The following DLG2 variants were observed in gnomAD, a reference collection of about 807,000 sequenced individuals.
The protein encoded by DLG2 is disks large homolog 2.
In DLG2, 45 loss-of-function variants were observed where a neutral mutation model predicts 132.5. That is an observed-to-expected ratio of 0.34 (90% CI 0.27 to 0.44). The LOEUF (loss-of-function observed/expected upper bound fraction) is 0.44. DLG2 is among the 20% of genes least tolerant of loss of function. The probability of loss-of-function intolerance (pLI) is 1.00; values close to 1 mark genes in which losing one functional copy is unlikely to be tolerated. For missense variants in DLG2, 1,045 were observed against 1,196.9 expected, an observed-to-expected ratio of 0.87 and a Z score of 1.87; for synonymous variants, 424 against 419.6, an observed-to-expected ratio of 1.01 and a Z score of -0.13.
chr11:84,278,009 T>C (rs867842325), intron 7 of DLG2, among the ~76,000 whole-genome samples: 22 of 151,270 alleles, frequency 1.5e-4, no homozygotes, highest in Admixed American at 1.3e-4. Flanking sequence ...TCCTCTGGCC[T>C]CAGCCTCCTG....
chr11:84,942,051 A>G (rs1406881220), intron 6 of DLG2, among the ~76,000 whole-genome samples: 1 of 152,146 alleles, frequency 6.6e-6, no homozygotes, highest in Non-Finnish European at 1.5e-5. Flanking sequence ...AGATGCTCAT[A>G]GTAGTCTCTA....
At chr11:85,387,143 C>T (rs1433694537) in intron 3 of DLG2, among the ~76,000 whole-genome samples, 1 of 152,182 alleles carries the variant, frequency 6.6e-6, no homozygotes, top group Non-Finnish European at 1.5e-5. Context: ...CTGCCTCAGA[C>T]TCCCAAAGTG....
At chr11:84,916,507 G>A (rs576788238) in intron 6 of DLG2, among the ~76,000 whole-genome samples, 2 of 152,040 alleles carry the variant, frequency 1.3e-5, no homozygotes, top group East Asian at 1.9e-4. Flanking sequence ...CAAGAAGATA[G>A]ATATCAAAAA....
chr11:84,358,720 C>A (rs574184228), intron 7 of DLG2, among the ~76,000 whole-genome samples: 1 of 151,968 alleles, frequency 6.6e-6, no homozygotes, highest in East Asian at 1.9e-4. Flanking sequence ...AGGACATACT[C>A]AGTTTTATAA....
At chr11:85,049,001 A>G (rs1593229718) in intron 6 of DLG2, among the ~76,000 whole-genome samples, 1 of 151,908 alleles carries the variant, frequency 6.6e-6, no homozygotes, top group Non-Finnish European at 1.5e-5. Context: ...ATAACCCTAT[A>G]CCTCCATGAT....
At chr11:84,845,379 CA>C (rs1419078224) in intron 6 of DLG2, among the ~76,000 whole-genome samples, 1 of 151,990 alleles carries the variant, frequency 6.6e-6, no homozygotes, top group Non-Finnish European at 1.5e-5. Context: ...ATACACAAAA[CA>C]AACAAAATTC....
At chr11:83,666,967 G>A (rs2153562499) in intron 18 of DLG2, among the ~76,000 whole-genome samples, 1 of 152,280 alleles carries the variant, frequency 6.6e-6, no homozygotes, top group South Asian at 2.1e-4. Flanking sequence ...TTGAGTCTGT[G>A]ATCTTCTTCC....
chr11:84,334,783 T>C (rs754728273), intron 7 of DLG2, among the ~76,000 whole-genome samples: 12 of 152,056 alleles, frequency 7.9e-5, no homozygotes, highest in Non-Finnish European at 1.3e-4. Flanking sequence ...TAACTACAAC[T>C]TTGATAGCAT....
intron 10 of DLG2, among the ~76,000 whole-genome samples, chr11:84,084,394 G>C (rs944940972): frequency 6.6e-6 from 1 of 152,184 alleles, no homozygotes; most frequent in Admixed American, 6.5e-5. Flanking sequence ...TGGAAGTAGG[G>C]ATAGTGGTGG....
chr11:83,857,500 T>C (rs2060721162), intron 16 of DLG2, among the ~76,000 whole-genome samples: 1 of 152,144 alleles, frequency 6.6e-6, no homozygotes, highest in Non-Finnish European at 1.5e-5. Flanking sequence ...CCTGGTAAGA[T>C]ACTTAACAAG....
At chr11:84,066,563 C>A (rs1211803669) in intron 10 of DLG2, among the ~76,000 whole-genome samples, 1 of 152,116 alleles carries the variant, frequency 6.6e-6, no homozygotes, top group Non-Finnish European at 1.5e-5. Flanking sequence ...AGTTCGAGAC[C>A]AGCCTGGCCA....
chr11:85,064,617 T>A (rs1460976972), intron 6 of DLG2, among the ~76,000 whole-genome samples: 1 of 151,762 alleles, frequency 6.6e-6, no homozygotes, highest in Non-Finnish European at 1.5e-5. Flanking sequence ...GATAGTTAGT[T>A]TTATCTCAAC....
At chr11:85,527,459 T>C (rs2074862850) in intron 3 of DLG2, among the ~76,000 whole-genome samples, 1 of 152,146 alleles carries the variant, frequency 6.6e-6, no homozygotes, top group East Asian at 1.9e-4. Flanking sequence ...TGGTTTTCTG[T>C]TCCTGTGTTA....
chr11:83,849,004 A>G (rs2059172042), intron 16 of DLG2, among the ~76,000 whole-genome samples: 1 of 152,126 alleles, frequency 6.6e-6, no homozygotes, highest in South Asian at 2.1e-4. Flanking sequence ...TCCTCTACCA[A>G]CTGGGAATTC....
intron 7 of DLG2, among the ~76,000 whole-genome samples, chr11:84,457,191 T>C (rs2099067725): frequency 6.6e-6 from 1 of 151,028 alleles, no homozygotes; most frequent in South Asian, 2.1e-4. Context: ...TCAAAGACAA[T>C]ATATCAAATA....
At chr11:84,257,155 C>T (rs1598478000) in intron 7 of DLG2, among the ~76,000 whole-genome samples, 4 of 152,028 alleles carry the variant, frequency 2.6e-5, no homozygotes, top group African/African-American at 7.2e-5. Flanking sequence ...ATTATGTTGG[C>T]TTACTCTGGA....
intron 4 of DLG2, among the ~76,000 whole-genome samples, chr11:85,256,719 G>A (rs112667446): frequency 5.9e-5 from 9 of 152,228 alleles, no homozygotes; most frequent in African/African-American, 1.4e-4. Flanking sequence ...TGTCGATGTC[G>A]TGTGAGGGGG....
intron 6 of DLG2, among the ~76,000 whole-genome samples, chr11:85,019,818 T>C (rs1300034075): frequency 6.6e-6 from 1 of 152,214 alleles, no homozygotes; most frequent in Admixed American, 6.5e-5. Flanking sequence ...TATAGCTGCA[T>C]AGTACTCCAT....
intron 18 of DLG2, among the ~76,000 whole-genome samples, chr11:83,763,902 TTGTC>T (rs2094025440): frequency 6.6e-6 from 1 of 152,226 alleles, no homozygotes; most frequent in South Asian, 2.1e-4. Context: ...AAAATATTGA[TTGTC>T]TATTTTGCCG....
Sources: allele counts gnomAD v4.1 joint callset (sites outside exome capture counted in the v4.1 genomes callset), GRCh38; gene constraint gnomAD v4.1.1; transcripts MANE v1.5; gene names NCBI Gene and HGNC (gene_info 2026-07-23, HGNC 2026-07-21).